The following APIP variants were observed in gnomAD, a reference collection of about 807,000 sequenced individuals.
APIP encodes the protein methylthioribulose-1-phosphate dehydratase.
A neutral mutation model predicts 32.0 loss-of-function variants in APIP; 32 were observed. That is an observed-to-expected ratio of 1.00 (90% confidence interval 0.76 to 1.34). The LOEUF is 1.34. Among genes scored for constraint, APIP ranks in the 40% most tolerant of loss-of-function variants. The probability of loss-of-function intolerance (pLI) is 0.00; values close to 1 mark genes in which losing one functional copy is unlikely to be tolerated. For synonymous variants in APIP, 92 were observed against 94.8 expected, an observed-to-expected ratio of 0.97 and a Z score of 0.17; for missense variants, 247 against 298.6, an observed-to-expected ratio of 0.83 and a Z score of 1.27.
chr11:34,903,735 C>T (rs1218996067), intron 1 of APIP, among the ~76,000 whole-genome samples: 1 of 152,158 alleles, frequency 6.6e-6, no homozygotes, highest in South Asian at 2.1e-4. Context: ...TCTGGGAAGG[C>T]TCCATAAGAG....
At chr11:34,915,345 T>C (rs1392819137) in intron 1 of APIP, among the ~76,000 whole-genome samples, 1 of 152,186 alleles carries the variant, frequency 6.6e-6, no homozygotes, top group African/African-American at 2.4e-5. Context: ...AGTCACTTAT[T>C]CAAACAAGAA....
Position 34,915,202 on chromosome 11 carries a change from C to T in APIP, c.57+1026G>A, listed in dbSNP as rs150594752. Among the ~76,000 whole-genome samples the T allele has an allele frequency of 1.1e-4, 16 of 152,168 alleles. No individual in the cohort carries two copies. In the South Asian group the frequency reaches 1.2e-3, roughly 12 times the overall value. On this transcript the variant is annotated intron_variant, in intron 1 of 6. Coordinates refer to ENST00000395787, the MANE Select transcript of APIP (RefSeq NM_015957.4). Reference sequence around the variant, plus strand: ...CACTAAGATTTACTGATTGAGGGTACGGACACTTCTCCATACACACTTGCC... The same window carrying T: ...CACTAAGATTTACTGATTGAGGGTATGGACACTTCTCCATACACACTTGCC...
Position 34,882,636 on chromosome 11 carries a change from A to C in APIP, c.*81T>G. The stretch of plus-strand genomic sequence containing the variant: ...ATTAGTAGCATCATGAAAAATTTCA[A>C]TTCATTTAAAAAAATAGCTTTCATT... On this transcript the variant is annotated 3_prime_UTR_variant, in exon 7 of 7. Transcript: ENST00000395787. 1.8e-6 allele frequency: 2 copies of C among 1,117,962 alleles called. No individual in the cohort carries two copies. The highest frequency in any genetic ancestry group is 2.5e-6 in the Non-Finnish European group (2 of 784,606). The allele number at this position is 1,117,962 out of a possible 1,614,324, so 69.3% of individuals were successfully genotyped here. A position where few individuals can be genotyped will look rare whatever the true frequency, so the allele number is the denominator to read the frequency against.
chr11:34,896,985 G>A, intron 1 of APIP: 1 of 364,044 alleles, frequency 2.7e-6, no homozygotes. Context: ...ATTCACTGTG[G>A]AGAAAATCAC....
At chr11:34,890,713 C>T (rs1330611210) in intron 2 of APIP, 161 bp from the exon 3 acceptor site, 1 of 599,604 alleles carries the variant, frequency 1.7e-6, no homozygotes, top group Non-Finnish European at 2.8e-6. Context: ...AGCCAAACTA[C>T]ATCAATGCCT....
intron 1 of APIP, among the ~76,000 whole-genome samples, chr11:34,905,941 G>A (rs552621708): frequency 1.3e-5 from 2 of 152,294 alleles, no homozygotes; most frequent in East Asian, 1.9e-4. Flanking sequence ...ACTGGCCAGG[G>A]CATATTATGT....
At chr11:34,914,660 C>T (rs1853625710) in intron 1 of APIP, among the ~76,000 whole-genome samples, 2 of 152,140 alleles carry the variant, frequency 1.3e-5, no homozygotes, top group Non-Finnish European at 2.9e-5. Context: ...GGCCCAATGT[C>T]ACCATGTGTT....
At chr11:34,894,277 T>C (rs1428251190) in intron 2 of APIP, among the ~76,000 whole-genome samples, 2 of 152,158 alleles carry the variant, frequency 1.3e-5, no homozygotes, top group Non-Finnish European at 2.9e-5. Flanking sequence ...TATTCATTAA[T>C]GATACAGGTG....
At chr11:34,915,675 C>A (rs562336762) in intron 1 of APIP, among the ~76,000 whole-genome samples, 4 of 152,296 alleles carry the variant, frequency 2.6e-5, no homozygotes, top group Non-Finnish European at 5.9e-5. Context: ...CCTTTGACTT[C>A]GGCTTAAGGA....
At chr11:34,898,719 G>C (rs1460744773) in intron 1 of APIP, among the ~76,000 whole-genome samples, 1 of 150,410 alleles carries the variant, frequency 6.6e-6, no homozygotes, top group Non-Finnish European at 1.5e-5. Flanking sequence ...CCTTGGTCTG[G>C]AGAGTGCATG....
intron 4 of APIP, 96 bp from the exon 5 acceptor site, chr11:34,888,524 G>T: frequency 1.3e-6 from 2 of 1,515,566 alleles, no homozygotes; most frequent in South Asian, 1.3e-5. Context: ...ATTTACATAT[G>T]GTTATGGGCT....
At chr11:34,890,602 C>T (rs1261697961) in intron 2 of APIP, 50 bp from the exon 3 acceptor site, 1 of 1,595,298 alleles carries the variant, frequency 6.3e-7, no homozygotes. Context: ...CCTGCTTTTG[C>T]ACAAAGAAAA....
chr11:34,896,673 T>C lies in APIP; in HGVS notation c.58-1563A>G, dbSNP rs557344784. 43 of 868,344 alleles carry C rather than the reference T, an allele frequency of 5.0e-5. No homozygotes were observed. In the South Asian group the frequency reaches 5.9e-4, roughly 12 times the overall value. The allele number at this position is 868,344 out of a possible 1,614,324, so 53.8% of individuals were successfully genotyped here. On this transcript the variant is annotated intron_variant, in intron 1 of 6. Transcript: ENST00000395787. The stretch of plus-strand genomic sequence containing the variant: ...CCACCATGGCACGTGTATACCTAAG[T>C]AACAAACCTGTAAGTTCTGCACACG...
intron 1 of APIP, among the ~76,000 whole-genome samples, chr11:34,912,598 G>A (rs565742312): frequency 2.0e-5 from 3 of 152,310 alleles, no homozygotes; most frequent in African/African-American, 4.8e-5. Context: ...TAATCTGGAT[G>A]AGCACAATCT....
intron 1 of APIP, among the ~76,000 whole-genome samples, chr11:34,906,722 A>C (rs1162496046): frequency 6.6e-6 from 1 of 152,182 alleles, no homozygotes; most frequent in Non-Finnish European, 1.5e-5. Flanking sequence ...AGCAGAGGAA[A>C]ATCTACAGCT....
chr11:34,888,817 G>A lies in APIP; in HGVS notation c.260C>T (p.Ser87Leu), dbSNP rs199682939. Residue 87 changes from serine (S) to leucine (L), a missense_variant, in exon 4 of 7, where the codon TCG (serine) becomes TTG (leucine). Physicochemically the swap from Ser to Leu is moderately radical, Grantham distance 145. Coordinates refer to ENST00000395787, the MANE Select transcript of APIP (RefSeq NM_015957.4). ...GCTTTTTTTTAGCTTCTTCGATGGC[G>A]AAGGTCCACTTATGTCCTTTTCATT... ...DINEKDISGP[S>L]PSKKLKKSQC... 2.3e-4 allele frequency: 354 copies of A among 1,521,696 alleles called. 6 individuals are homozygous for A. In the South Asian group the frequency reaches 3.8e-3, roughly 16 times the overall value. The allele number at this position is 1,521,696 out of a possible 1,614,324, so 94.3% of individuals were successfully genotyped here.
intron 1 of APIP, among the ~76,000 whole-genome samples, chr11:34,914,870 G>A (rs1853633812): frequency 6.6e-6 from 1 of 152,034 alleles, no homozygotes; most frequent in Non-Finnish European, 1.5e-5. Context: ...TGGGTGTGGT[G>A]ACATGCGCCT....
chr11:34,912,244 C>A (rs1853565067), intron 1 of APIP, among the ~76,000 whole-genome samples: 1 of 152,018 alleles, frequency 6.6e-6, no homozygotes, highest in African/African-American at 2.4e-5. Flanking sequence ...GATGTTACTG[C>A]AAATGATAAT....
At chr11:34,884,497 G>C (rs1332974375) in intron 5 of APIP, among the ~76,000 whole-genome samples, 1 of 152,166 alleles carries the variant, frequency 6.6e-6, no homozygotes, top group Non-Finnish European at 1.5e-5. Context: ...AGCCAAGGCA[G>C]ATGGACTGTT....
Sources: allele counts gnomAD v4.1 joint callset (sites outside exome capture counted in the v4.1 genomes callset), GRCh38; gene constraint gnomAD v4.1.1; transcripts MANE v1.5; gene names NCBI Gene and HGNC (gene_info 2026-07-23, HGNC 2026-07-21).